The following RHD variants were observed in gnomAD, a reference collection of about 807,000 sequenced individuals.
The protein encoded by RHD is blood group Rh(D) polypeptide.
In RHD, 16 loss-of-function variants were observed where a neutral mutation model predicts 45.5. The ratio of observed to expected loss-of-function variants is 0.35; its 90% CI spans 0.24 to 0.53. The LOEUF (loss-of-function observed/expected upper bound fraction) is 0.53. RHD is among the 20% of genes least tolerant of loss of function. The pLI, the probability that RHD is intolerant of heterozygous loss-of-function variation, is 0.92. For missense variants in RHD, 306 were observed against 532.0 expected, an observed-to-expected ratio of 0.58 and a Z score of 4.18; for synonymous variants, 131 against 217.5, an observed-to-expected ratio of 0.60 and a Z score of 3.50.
rs1437492902 is a variant in RHD, at chr1:25,281,805, GC to G, written c.149-2766del. Among the ~76,000 whole-genome samples the G allele has an allele frequency of 1.5e-5, 2 of 132,392 alleles. 1 individual carries two copies. The highest frequency in any genetic ancestry group is 3.6e-5 in the Non-Finnish European group (2 of 55,860). The allele number at this position is 132,392 out of a possible 152,430, so 86.9% of individuals were successfully genotyped here. Reference sequence around the variant, plus strand: ...CCAGGTCCCATGGAGGTCCTTGGGGGCCTCCTATATCCTGGTGGTGTCAGGT... The same window carrying G: ...CCAGGTCCCATGGAGGTCCTTGGGGGCTCCTATATCCTGGTGGTGTCAGGT... On this transcript the variant is annotated intron_variant, in intron 1 of 9. Coordinates refer to ENST00000328664, the MANE Select transcript of RHD (RefSeq NM_016124.6).
intron 3 of RHD, among the ~76,000 whole-genome samples, chr1:25,297,482 C>T (rs1470472778): frequency 7.5e-5 from 9 of 119,868 alleles, no homozygotes; most frequent in African/African-American, 2.6e-4. Context: ...GATCATCCAA[C>T]TTTCACCCAC....
chr1:25,314,043 G>A lies in RHD; in HGVS notation c.1074-2957G>A, dbSNP rs1445785132. ...ATGAATATTCTAGTATTGCTCCTAT[G>A]AACATTCTAGCACTTTTATTTTTGG... On this transcript the variant is annotated intron_variant, in intron 7 of 9. Coordinates refer to ENST00000328664, the MANE Select transcript of RHD (RefSeq NM_016124.6). Among the ~76,000 whole-genome samples the A allele has an allele frequency of 3.0e-5, 4 of 132,898 alleles. No homozygotes were observed. The East Asian group carries it at 7.8e-4, about 26-fold the overall frequency. 87.2% of individuals were successfully genotyped at this position (132,898 alleles called of 152,430 possible). A position where few individuals can be genotyped will look rare whatever the true frequency, so the allele number is the denominator to read the frequency against.
At position 25,301,799 on chromosome 1, in the gene RHD, G is replaced by A; in HGVS notation, c.801+113G>A. The A allele has an allele frequency of 1.7e-5, 14 of 833,370 alleles. 3 individuals carry two copies. Among genetic ancestry groups the A allele is most frequent in the Non-Finnish European group, 2.8e-5 (14 of 502,622 alleles). 51.6% of individuals were successfully genotyped at this position (833,370 alleles called of 1,614,324 possible). ...GGGTTGGGAGAGGGCATGCCGGGTGGTGGAGCTGTGCCTGCCTCTACAGTG... is the reference window on the plus strand; with the variant it reads ...GGGTTGGGAGAGGGCATGCCGGGTGATGGAGCTGTGCCTGCCTCTACAGTG... On this transcript the variant is annotated intron_variant, in intron 5 of 9. Coordinates refer to ENST00000328664, the MANE Select transcript of RHD (RefSeq NM_016124.6).
chr1:25,310,973 C>CA (rs1158185993), intron 7 of RHD, among the ~76,000 whole-genome samples: 1,675 of 74,516 alleles, frequency 0.022, 276 homozygotes, highest in Non-Finnish European at 0.034. Flanking sequence ...AACTCCATCT[C>CA]AAAAAAAAAA....
intron 2 of RHD, among the ~76,000 whole-genome samples, chr1:25,287,437 G>A (rs1642126918): frequency 7.4e-6 from 1 of 135,270 alleles, no homozygotes; most frequent in Admixed American, 7.1e-5. Context: ...ATCCCCCTAG[G>A]GGTGACCCCT....
rs1337639898 is a variant in RHD at position 25,306,616 on chromosome 1, G to A, written c.960G>A (p.Leu320=). Residue 320 remains leucine, a synonymous_variant, in exon 7 of 10, where the codon CTG becomes CTA. Coordinates refer to ENST00000328664, the MANE Select transcript of RHD (RefSeq NM_016124.6). ...CACAGGGGTGTTGTAACCGAGTGCT[G>A]GGGATTCCCCACAGCTCCATCATGG... The part of the protein sequence containing the change: ...KYLPGCCNRV[L]GIPHSSIMGY... The A allele has an allele frequency of 9.4e-6, 13 of 1,378,086 alleles. No individual in the cohort carries two copies. The East Asian group carries it at 2.9e-4, about 31-fold the overall frequency. The allele number at this position is 1,378,086 out of a possible 1,614,324, so 85.4% of individuals were successfully genotyped here. A position where few individuals can be genotyped will look rare whatever the true frequency, so the allele number is the denominator to read the frequency against.
At chr1:25,302,483 A>G (rs1643464663) in intron 5 of RHD, among the ~76,000 whole-genome samples, 1 of 129,810 alleles carries the variant, frequency 7.7e-6, no homozygotes, top group East Asian at 2.0e-4. Context: ...CATGAGTTCC[A>G]TGGTGACAGA....
intron 9 of RHD, among the ~76,000 whole-genome samples, chr1:25,322,533 T>C (rs1409306688): frequency 7.6e-6 from 1 of 131,656 alleles, no homozygotes; most frequent in African/African-American, 2.6e-5. Flanking sequence ...GTTAGCTGGG[T>C]GTGGTGGCAC....
chr1:25,316,323 G>T (rs1415002850), intron 7 of RHD, among the ~76,000 whole-genome samples: 2 of 129,090 alleles, frequency 1.5e-5, no homozygotes, highest in Admixed American at 1.5e-4. Context: ...ATTGCCTAAC[G>T]AGAAAACTGG....
At chr1:25,273,130 C>G (rs1349589929) in intron 1 of RHD, among the ~76,000 whole-genome samples, 1 of 129,748 alleles carries the variant, frequency 7.7e-6, no homozygotes, top group East Asian at 2.0e-4. Context: ...TTTGTGGCCT[C>G]TCGCTCATTT....
intron 1 of RHD, among the ~76,000 whole-genome samples, chr1:25,283,870 C>T (rs1363609566): frequency 7.5e-6 from 1 of 133,986 alleles, no homozygotes; most frequent in Non-Finnish European, 1.8e-5. Flanking sequence ...AACCAAAGTG[C>T]TCACCCTCCG....
At chr1:25,318,585 C>A (rs1481253550) in intron 8 of RHD, among the ~76,000 whole-genome samples, 5 of 121,218 alleles carry the variant, frequency 4.1e-5, no homozygotes, top group African/African-American at 8.4e-5. Context: ...GAGACTGTCT[C>A]AAAAAAAAAA....
At position 25,273,699 on chromosome 1, in the gene RHD, C is replaced by G. The variant is rs536307754; in HGVS notation, c.148+1004C>G. Among the ~76,000 whole-genome samples, 14 of 123,340 alleles carry G rather than the reference C, an allele frequency of 1.1e-4. 1 individual carries two copies. In the East Asian group the frequency reaches 2.8e-3, roughly 24 times the overall value. 80.9% of individuals were successfully genotyped at this position (123,340 alleles called of 152,430 possible). A position where few individuals can be genotyped will look rare whatever the true frequency, so the allele number is the denominator to read the frequency against. ...AGATGTCCACAATGGTGTGACTTTG[C>G]TTTTTTAAAAATATTGAAATGAGTT... On this transcript the variant is annotated intron_variant, in intron 1 of 9. Coordinates refer to ENST00000328664, the MANE Select transcript of RHD (RefSeq NM_016124.6).
rs599261 is a variant in RHD at position 25,296,610 on chromosome 1, C to T, written c.487-4336C>T. On this transcript the variant is annotated intron_variant, in intron 3 of 9. Coordinates refer to ENST00000328664, the MANE Select transcript of RHD (RefSeq NM_016124.6). Reference sequence around the variant, plus strand: ...TCCAATCTCATCTCGAATTGTAATCCCCACGTGTTGAGGGCATGACCTCGT... The same window carrying T: ...TCCAATCTCATCTCGAATTGTAATCTCCACGTGTTGAGGGCATGACCTCGT... Among the ~76,000 whole-genome samples, 182 of 129,104 alleles carry T rather than the reference C, an allele frequency of 1.4e-3. 21 individuals carry two copies. Among genetic ancestry groups the T allele is most frequent in the African/African-American group, 4.6e-3 (168 of 36,146 alleles). 84.7% of individuals were successfully genotyped at this position (129,104 alleles called of 152,430 possible). A position where few individuals can be genotyped will look rare whatever the true frequency, so the allele number is the denominator to read the frequency against.
intron 9 of RHD, among the ~76,000 whole-genome samples, chr1:25,322,418 A>G (rs2124159300): frequency 7.5e-6 from 1 of 133,416 alleles, no homozygotes; most frequent in East Asian, 2.0e-4. Context: ...CACGCCTGTG[A>G]TCCCAGCACT....
intron 9 of RHD, among the ~76,000 whole-genome samples, chr1:25,322,333 AACCCCTT>A (rs1214908607): frequency 7.5e-6 from 1 of 132,682 alleles, no homozygotes; most frequent in East Asian, 1.9e-4. Context: ...CTTGGAGTCC[AACCCCTT>A]TTTTGACAGA....
intron 6 of RHD, among the ~76,000 whole-genome samples, chr1:25,305,043 C>T (rs28410423): frequency 0.024 from 3,158 of 132,286 alleles, 565 homozygotes; most frequent in African/African-American, 0.076. Context: ...GTTTAGTGAG[C>T]GAAATGGATA....
rs1255403888 is a variant in RHD, at chr1:25,319,917, A to T, written c.1154-1972A>T. 1.3e-4 allele frequency among the ~76,000 whole-genome samples: 17 copies of T among 130,574 alleles called. 3 individuals are homozygous for T. The highest frequency in any genetic ancestry group is 2.3e-4 in the Admixed American group (3 of 13,318). 85.7% of individuals were successfully genotyped at this position (130,574 alleles called of 152,430 possible). A position where few individuals can be genotyped will look rare whatever the true frequency, so the allele number is the denominator to read the frequency against. ...GAAATTCTTTTTTTTTTCTTTTTTT[A>T]GACGCAGTTTTGCTCTTGTTGCCCA... On this transcript the variant is annotated intron_variant, in intron 8 of 9. Coordinates refer to ENST00000328664, the MANE Select transcript of RHD (RefSeq NM_016124.6).
rs1452428954 is a variant in RHD at position 25,328,868 on chromosome 1, G to T, written c.1228-30G>T. ...CCAAAATCAGTATGTGGGTTCATCT[G>T]CAATAAAAATGTTTGTTTTGCTTTT... is the stretch of plus-strand genomic sequence containing the variant. On this transcript the variant is annotated intron_variant, in intron 9 of 9. Transcript: ENST00000328664. 3.8e-6 allele frequency: 4 copies of T among 1,063,556 alleles called. 1 individual carries two copies. The Middle Eastern group carries it at 7.4e-4, about 198-fold the overall frequency. 65.9% of individuals were successfully genotyped at this position (1,063,556 alleles called of 1,614,324 possible). A position where few individuals can be genotyped will look rare whatever the true frequency, so the allele number is the denominator to read the frequency against.
Sources: allele counts gnomAD v4.1 joint callset (sites outside exome capture counted in the v4.1 genomes callset), GRCh38; gene constraint gnomAD v4.1.1; transcripts MANE v1.5; gene names NCBI Gene and HGNC (gene_info 2026-07-23, HGNC 2026-07-21).